POU6F2: variants seen among roughly 807,000 people sequenced by gnomAD.
POU6F2 encodes the protein POU class 6 homeobox 2, also known as POU domain, class 6, transcription factor 2.
POU6F2 carries 31 observed loss-of-function variants against 71.3 expected under a neutral mutation model. The ratio of observed to expected loss-of-function variants is 0.43; its 90% CI spans 0.33 to 0.59. The LOEUF is 0.59. POU6F2 is among the 20% of genes least tolerant of loss of function. The pLI, the probability that POU6F2 is intolerant of heterozygous loss-of-function variation, is 0.04. For synonymous variants in POU6F2, 347 were observed against 355.7 expected, an observed-to-expected ratio of 0.98 and a Z score of 0.27; for missense variants, 783 against 856.8, an observed-to-expected ratio of 0.91 and a Z score of 1.07.
At chr7:39,108,828 G>A (rs1023522423) in intron 2 of POU6F2, among the ~76,000 whole-genome samples, 1 of 152,118 alleles carries the variant, frequency 6.6e-6, no homozygotes, top group African/African-American at 2.4e-5. Context: ...AGATTTATAT[G>A]CACTCTTGAG....
chr7:39,352,284 T>C (rs1419493735), intron 5 of POU6F2, among the ~76,000 whole-genome samples: 1 of 152,206 alleles, frequency 6.6e-6, no homozygotes, highest in Non-Finnish European at 1.5e-5. Flanking sequence ...TGATAATTTG[T>C]AGGCCCCAAA....
intron 4 of POU6F2, among the ~76,000 whole-genome samples, chr7:39,240,384 G>A (rs1783701034): frequency 6.6e-6 from 1 of 152,100 alleles, no homozygotes; most frequent in Non-Finnish European, 1.5e-5. Context: ...CTTGCTGGGT[G>A]ACCTTAGACA....
chr7:39,066,485 T>C (rs1790755928), intron 1 of POU6F2, among the ~76,000 whole-genome samples: 1 of 151,768 alleles, frequency 6.6e-6, no homozygotes, highest in East Asian at 1.9e-4. Flanking sequence ...GAAAACTCAA[T>C]AGCTTTTCTA....
chr7:39,247,986 CATTTA>C (rs1783850503), intron 4 of POU6F2, among the ~76,000 whole-genome samples: 1 of 152,020 alleles, frequency 6.6e-6, no homozygotes, highest in South Asian at 2.1e-4. Context: ...TTATACAGTA[CATTTA>C]ATTTCTTAGT....
At chr7:39,299,792 G>T (rs774942554) in intron 4 of POU6F2, among the ~76,000 whole-genome samples, 6 of 152,170 alleles carry the variant, frequency 3.9e-5, no homozygotes, top group Non-Finnish European at 8.8e-5. Context: ...AGGTCCCTCA[G>T]GCAGGAAAGG....
At chr7:39,046,247 A>G (rs991892082) in intron 1 of POU6F2, among the ~76,000 whole-genome samples, 1 of 151,814 alleles carries the variant, frequency 6.6e-6, no homozygotes, top group Non-Finnish European at 1.5e-5. Flanking sequence ...AGCTATTTGT[A>G]TATCTCATTT....
intron 2 of POU6F2, among the ~76,000 whole-genome samples, chr7:39,093,182 T>C (rs767687655): frequency 6.6e-6 from 1 of 152,004 alleles, no homozygotes; most frequent in African/African-American, 2.4e-5. Context: ...TAACTAATAG[T>C]CAAAGCAAGT....
rs569877862 is a variant in POU6F2 at position 39,123,989 on chromosome 7, A to G, written c.277+37958A>G. On this transcript the variant is annotated intron_variant, in intron 2 of 9. Coordinates refer to ENST00000518318, the MANE Select transcript of POU6F2 (RefSeq NM_001370959.1). ...ACTATACATGACTAAGAAACCAAAT[A>G]CATGCTTCATTGCTACATACCCTTG... is the stretch of plus-strand genomic sequence containing the variant. Among the ~76,000 whole-genome samples the G allele has an allele frequency of 1.3e-4, 19 of 151,974 alleles. No individual in the cohort carries two copies. The South Asian group carries it at 3.7e-3, about 30-fold the overall frequency.
At chr7:39,013,393 C>G (rs1468203070) in intron 1 of POU6F2, 5 of 152,950 alleles carry the variant, frequency 3.3e-5, no homozygotes, top group Non-Finnish European at 7.3e-5. Flanking sequence ...GGCTCGCGCA[C>G]GGTGCGCGCA....
At chr7:39,424,277 A>T (rs1211954686) in intron 6 of POU6F2, among the ~76,000 whole-genome samples, 3 of 152,184 alleles carry the variant, frequency 2.0e-5, no homozygotes, top group Non-Finnish European at 4.4e-5. Context: ...TGCCCAGCTG[A>T]ACCTTGACAA....
chr7:39,370,044 T>G (rs759123641), intron 5 of POU6F2, among the ~76,000 whole-genome samples: 3 of 152,148 alleles, frequency 2.0e-5, no homozygotes, highest in Non-Finnish European at 4.4e-5. Context: ...AAACATAACT[T>G]TCATACTCAC....
At chr7:39,164,213 T>G (rs1360022295) in intron 2 of POU6F2, among the ~76,000 whole-genome samples, 1 of 151,768 alleles carries the variant, frequency 6.6e-6, no homozygotes, top group Non-Finnish European at 1.5e-5. Flanking sequence ...ATAAATTTTA[T>G]TTGTCAATTA....
chr7:39,207,635 C>G lies in POU6F2; in HGVS notation c.598+15C>G. On this transcript the variant is annotated intron_variant, in intron 4 of 9. Transcript: ENST00000518318. ...AAATCTACAAGGTAATCCATAATGT[C>G]CATGCGCCACGTAAGGCTCTACCCG... The G allele has an allele frequency of 6.2e-7, 1 of 1,606,406 alleles. No individual in the cohort carries two copies. The highest frequency in any genetic ancestry group is 8.5e-7 in the Non-Finnish European group (1 of 1,175,034).
At chr7:39,186,607 C>G (rs1793544902) in intron 2 of POU6F2, among the ~76,000 whole-genome samples, 1 of 152,182 alleles carries the variant, frequency 6.6e-6, no homozygotes, top group Admixed American at 6.5e-5. Flanking sequence ...AGACATTGCC[C>G]TGAAAATGAT....
intron 4 of POU6F2, among the ~76,000 whole-genome samples, chr7:39,225,746 G>A (rs1794448920): frequency 6.6e-6 from 1 of 152,210 alleles, no homozygotes; most frequent in South Asian, 2.1e-4. Flanking sequence ...CACATGCTGT[G>A]TATGTAATAG....
At position 39,293,509 on chromosome 7, in the gene POU6F2, C is replaced by T. The variant is rs1000740893; in HGVS notation, c.599-46133C>T. On this transcript the variant is annotated intron_variant, in intron 4 of 9. Transcript: ENST00000518318. ...TCCTTTCTTCATTCCTTTTTGTTGTCCGGCTCTTCCTTTGGCTTTCCTTTC... is the reference window on the plus strand; with the variant it reads ...TCCTTTCTTCATTCCTTTTTGTTGTTCGGCTCTTCCTTTGGCTTTCCTTTC... Among the ~76,000 whole-genome samples, 4 of 152,264 alleles carry T rather than the reference C, an allele frequency of 2.6e-5. No individual in the cohort carries two copies. In the East Asian group the frequency reaches 5.8e-4, roughly 22 times the overall value.
chr7:39,404,464 C>A (rs1045643680), intron 5 of POU6F2: 7 of 152,116 alleles, frequency 4.6e-5, no homozygotes, highest in Non-Finnish European at 1.0e-4. Context: ...AAAATATTTT[C>A]TTTTCATTAA....
At chr7:39,431,038 C>T in intron 6 of POU6F2, among the ~76,000 whole-genome samples, 1 of 152,180 alleles carries the variant, frequency 6.6e-6, no homozygotes, top group Non-Finnish European at 1.5e-5. Flanking sequence ...CAAGACCACT[C>T]ATCAATAAAG....
At chr7:39,351,856 T>C (rs1786145641) in intron 5 of POU6F2, among the ~76,000 whole-genome samples, 1 of 152,232 alleles carries the variant, frequency 6.6e-6, no homozygotes, top group Admixed American at 6.5e-5. Flanking sequence ...CAGATCTATC[T>C]GATGTCAAAA....
Sources: allele counts gnomAD v4.1 joint callset (sites outside exome capture counted in the v4.1 genomes callset), GRCh38; gene constraint gnomAD v4.1.1; transcripts MANE v1.5; gene names NCBI Gene and HGNC (gene_info 2026-07-23, HGNC 2026-07-21).